NBAS: variants seen among roughly 807,000 people sequenced by gnomAD.
NBAS encodes the protein NBAS subunit of NRZ tethering complex, also known as NAG/BC035112 fusion.
Under a neutral mutation model 302.5 loss-of-function variants are expected in NBAS, and 219 were observed. That is an observed-to-expected ratio of 0.72 (90% CI 0.65 to 0.81). The LOEUF is 0.81. NBAS is among the 30% of genes least tolerant of loss of function. The probability of loss-of-function intolerance (pLI) is 0.00; values close to 1 mark genes in which losing one functional copy is unlikely to be tolerated. For synonymous variants in NBAS, 1,118 were observed against 1,021.6 expected (o/e 1.09, Z -1.80); for missense variants, 2,932 against 2,841.6 (o/e 1.03, Z -0.72).
At chr2:15,211,608 TTA>T (rs1215852288) in intron 48 of NBAS, among the ~76,000 whole-genome samples, 1 of 152,220 alleles carries the variant, frequency 6.6e-6, no homozygotes. Flanking sequence ...TTTTTCTCGC[TTA>T]TCCGTAGGAG....
the NBAS span, among the ~76,000 whole-genome samples, chr2:14,938,700 T>A: frequency 6.6e-6 from 1 of 152,168 alleles, no homozygotes; most frequent in Non-Finnish European, 1.5e-5. Flanking sequence ...CATATAACCT[T>A]CTTTAACATT....
chr2:15,337,066 G>A (rs1672616732), intron 35 of NBAS, among the ~76,000 whole-genome samples: 1 of 152,300 alleles, frequency 6.6e-6, no homozygotes, highest in Admixed American at 6.5e-5. Context: ...TTCAGGCCAG[G>A]AGTTCGAGAC....
chr2:15,559,082 A>AAAAAAAAAAAAC (rs1664788421), intron 1 of NBAS, among the ~76,000 whole-genome samples: 1 of 150,556 alleles, frequency 6.6e-6, no homozygotes, highest in Non-Finnish European at 1.5e-5. Flanking sequence ...AAAAAAAAAA[A>AAAAAAAAAAAAC]AAAAAGTAGA....
At chr2:14,784,495 T>A in the NBAS span, among the ~76,000 whole-genome samples, 1 of 152,244 alleles carries the variant, frequency 6.6e-6, no homozygotes. Context: ...AATTTTTGTA[T>A]AAGGTGTAAT....
chr2:14,883,473 G>T, the NBAS span, among the ~76,000 whole-genome samples: 1 of 152,140 alleles, frequency 6.6e-6, no homozygotes, highest in Admixed American at 6.5e-5. Flanking sequence ...GGTCGAAGGA[G>T]CTCTGAACTT....
chr2:15,461,053 A>G (rs1000221021), intron 21 of NBAS, 148 bp downstream of exon 21: 9 of 756,444 alleles, frequency 1.2e-5, no homozygotes, highest in Non-Finnish European at 1.6e-5. Flanking sequence ...TGGCTTCAGG[A>G]CCATTTACAA....
chr2:14,792,210 G>A, the NBAS span, among the ~76,000 whole-genome samples: 1 of 152,110 alleles, frequency 6.6e-6, no homozygotes, highest in Admixed American at 6.5e-5. Flanking sequence ...CAGCCCAAAC[G>A]TACAGACACT....
intron 41 of NBAS, among the ~76,000 whole-genome samples, chr2:15,288,523 C>T (rs1670160705): frequency 6.6e-6 from 1 of 152,134 alleles, no homozygotes; most frequent in Non-Finnish European, 1.5e-5. Context: ...AGGGGACCTG[C>T]GTCTCATTCT....
rs773920393 is a variant in NBAS at position 15,275,717 on chromosome 2, GAACAAGTTTGGA to G, written c.5479_5490del (p.Ser1827_Val1830del). 6.2e-6 allele frequency: 10 copies of G among 1,614,026 alleles called. No individual in the cohort carries two copies. The East Asian group carries it at 2.0e-4, about 32-fold the overall frequency. ...TGTCCATCCTTTTCAGGGATTTTGGGAACAAGTTTGGAAATAGACAAGATATTTTGACTTGAA... is the reference window on the plus strand; with the variant it reads ...TGTCCATCCTTTTCAGGGATTTTGGGAATAGACAAGATATTTTGACTTGAA... On this transcript the variant is annotated inframe_deletion, in exon 44 of 52. Coordinates refer to ENST00000281513, the MANE Select transcript of NBAS (RefSeq NM_015909.4).
chr2:15,035,595 C>T, the NBAS span, among the ~76,000 whole-genome samples: 3 of 152,094 alleles, frequency 2.0e-5, no homozygotes, highest in Admixed American at 6.5e-5. Context: ...AACCCAAATG[C>T]CCATCAATGA....
At chr2:15,461,859 T>C (rs1326432017) in intron 19 of NBAS, 68 bp from the exon 20 acceptor site, 7 of 854,598 alleles carry the variant, frequency 8.2e-6, no homozygotes, top group Admixed American at 2.1e-5. Context: ...AAGAAAATAT[T>C]AAAAACCTTT....
intron 31 of NBAS, among the ~76,000 whole-genome samples, chr2:15,368,049 G>A (rs1387009743): frequency 2.0e-5 from 3 of 151,920 alleles, no homozygotes; most frequent in Non-Finnish European, 2.9e-5. Flanking sequence ...ATATACAAGT[G>A]CATATATACA....
chr2:14,854,010 C>T, the NBAS span, among the ~76,000 whole-genome samples: 7 of 145,064 alleles, frequency 4.8e-5, no homozygotes, highest in African/African-American at 1.8e-4. Flanking sequence ...CAGCATGGCA[C>T]ATGTATACAT....
chr2:15,334,740 T>C (rs1672502304), intron 35 of NBAS, among the ~76,000 whole-genome samples: 1 of 152,218 alleles, frequency 6.6e-6, no homozygotes, highest in South Asian at 2.1e-4. Flanking sequence ...TCCTTTCCTG[T>C]GTTTAATCCA....
Position 15,218,973 on chromosome 2 carries a change from A to C in NBAS, c.6237-5T>G. The C allele has an allele frequency of 6.2e-7, 1 of 1,614,222 alleles. No individual in the cohort carries two copies. Among genetic ancestry groups the C allele is most frequent in the East Asian group, 2.2e-5 (1 of 44,886 alleles). ...TCAGGTGAAACCAGCTCCTCACTGC[A>C]GGGCAAAATCCAGAGGTATCTGTAA... On this transcript the variant is annotated splice_region_variant and splice_polypyrimidine_tract_variant and intron_variant, in intron 47 of 51. Transcript: ENST00000281513.
chr2:15,003,284 G>T, the NBAS span, among the ~76,000 whole-genome samples: 1 of 152,328 alleles, frequency 6.6e-6, no homozygotes, highest in East Asian at 1.9e-4. Flanking sequence ...TGTTTTGAAT[G>T]ATCAAGGAGT....
the NBAS span, among the ~76,000 whole-genome samples, chr2:15,002,860 G>C: frequency 6.6e-6 from 1 of 152,228 alleles, no homozygotes; most frequent in Non-Finnish European, 1.5e-5. Flanking sequence ...CGCCCACCCG[G>C]AACTCCAGCT....
At chr2:15,189,278 G>A (rs6736942) in intron 49 of NBAS, among the ~76,000 whole-genome samples, 87,113 of 152,146 alleles carry the variant, frequency 0.57, 28,196 homozygotes, top group African/African-American at 0.86. Flanking sequence ...ATACCACAAA[G>A]TGAAAGCACC....
At chr2:14,925,011 T>C in the NBAS span, among the ~76,000 whole-genome samples, 4 of 152,342 alleles carry the variant, frequency 2.6e-5, no homozygotes, top group South Asian at 6.2e-4. Flanking sequence ...GAAAGACACA[T>C]ACGTGACTCA....
Sources: allele counts gnomAD v4.1 joint callset (sites outside exome capture counted in the v4.1 genomes callset), GRCh38; gene constraint gnomAD v4.1.1; transcripts MANE v1.5; gene names NCBI Gene and HGNC (gene_info 2026-07-23, HGNC 2026-07-21).